SAMD5: variants seen among roughly 807,000 people sequenced by gnomAD.
The protein encoded by SAMD5 is sterile alpha motif domain containing 5, also known as sterile alpha motif domain-containing protein 5.
SAMD5 carries 13 observed loss-of-function variants against 11.3 expected under a neutral mutation model. The observed-to-expected ratio is 1.15, with a 90% confidence interval of 0.75 to 1.83. SAMD5 has a LOEUF of 1.83. SAMD5 is among the 40% of genes most tolerant of loss of function. The probability of loss-of-function intolerance (pLI) is 0.00; values close to 1 mark genes in which losing one functional copy is unlikely to be tolerated. For missense variants in SAMD5, 255 were observed against 239.1 expected (o/e 1.07, Z -0.44); for synonymous variants, 129 against 111.3 (o/e 1.16, Z -1.00).
chr6:147,785,747 G>C, the SAMD5 span, among the ~76,000 whole-genome samples: 1 of 152,154 alleles, frequency 6.6e-6, no homozygotes, highest in Admixed American at 6.5e-5. Context: ...AGGTTTAAAA[G>C]AAATACTTCT....
At chr6:147,919,477 A>C in the SAMD5 span, among the ~76,000 whole-genome samples, 1 of 152,214 alleles carries the variant, frequency 6.6e-6, no homozygotes, top group African/African-American at 2.4e-5. Context: ...GGCCCCACTG[A>C]TTTATGATGA....
At chr6:147,692,950 G>C (rs1791124183) in intron 1 of SAMD5, among the ~76,000 whole-genome samples, 1 of 152,236 alleles carries the variant, frequency 6.6e-6, no homozygotes, top group Non-Finnish European at 1.5e-5. Context: ...ATTGGGGAGG[G>C]AGTGGGGAAA....
the SAMD5 span, among the ~76,000 whole-genome samples, chr6:147,787,245 G>A: frequency 7.9e-5 from 12 of 152,036 alleles, no homozygotes; most frequent in Non-Finnish European, 1.3e-4. Context: ...ATTAAGCCTC[G>A]TTAACTTGAA....
At chr6:147,701,137 A>G (rs994999039) in intron 1 of SAMD5, among the ~76,000 whole-genome samples, 1 of 152,192 alleles carries the variant, frequency 6.6e-6, no homozygotes, top group African/African-American at 2.4e-5. Context: ...ATTATAATAA[A>G]CAGCCGTTAT....
At chr6:147,724,790 T>C (rs1448218621) in intron 1 of SAMD5, among the ~76,000 whole-genome samples, 1 of 152,118 alleles carries the variant, frequency 6.6e-6, no homozygotes, top group African/African-American at 2.4e-5. Context: ...AAGCAAGATA[T>C]TGAATTAGAA....
At chr6:147,550,065 C>T (rs1583078179) in intron 1 of SAMD5, among the ~76,000 whole-genome samples, 1 of 151,484 alleles carries the variant, frequency 6.6e-6, no homozygotes, top group East Asian at 1.9e-4. Context: ...GGCAACATAG[C>T]AAGACCTTTG....
the SAMD5 span, among the ~76,000 whole-genome samples, chr6:147,750,109 T>C: frequency 1.3e-5 from 2 of 152,246 alleles, no homozygotes; most frequent in Admixed American, 1.3e-4. Flanking sequence ...CATAGAATTA[T>C]GTGTTTTATA....
chr6:147,799,961 T>C, the SAMD5 span, among the ~76,000 whole-genome samples: 3 of 151,946 alleles, frequency 2.0e-5, no homozygotes, highest in African/African-American at 7.2e-5. Flanking sequence ...ATTCTAGTTA[T>C]ACATTCTTCT....
chr6:147,871,603 G>A, the SAMD5 span, among the ~76,000 whole-genome samples: 1 of 152,178 alleles, frequency 6.6e-6, no homozygotes, highest in Non-Finnish European at 1.5e-5. Flanking sequence ...TTATCAGAAT[G>A]GCAAAATTAA....
the SAMD5 span, among the ~76,000 whole-genome samples, chr6:147,772,882 T>C: frequency 6.6e-6 from 1 of 152,122 alleles, no homozygotes; most frequent in African/African-American, 2.4e-5. Context: ...CCCATAACAG[T>C]GTCGAAGTGA....
the SAMD5 span, among the ~76,000 whole-genome samples, chr6:147,889,682 A>G: frequency 6.6e-6 from 1 of 152,214 alleles, no homozygotes; most frequent in Non-Finnish European, 1.5e-5. Flanking sequence ...ATGCTCCCCA[A>G]CAATGACGGG....
intron 1 of SAMD5, among the ~76,000 whole-genome samples, chr6:147,585,129 G>A (rs548340403): frequency 5.3e-5 from 8 of 152,090 alleles, no homozygotes; most frequent in Non-Finnish European, 7.4e-5. Context: ...GAGGTGTGTC[G>A]GGGCAGGCAA....
At chr6:147,693,930 C>T (rs932264435) in intron 1 of SAMD5, among the ~76,000 whole-genome samples, 1 of 152,184 alleles carries the variant, frequency 6.6e-6, no homozygotes, top group African/African-American at 2.4e-5. Flanking sequence ...GATCACACCA[C>T]TGCACTCCAA....
the SAMD5 span, among the ~76,000 whole-genome samples, chr6:147,760,338 G>T: frequency 6.6e-6 from 1 of 152,110 alleles, no homozygotes; most frequent in Non-Finnish European, 1.5e-5. Flanking sequence ...AATTAAAATT[G>T]CCATGACCAT....
At chr6:147,811,462 GGACCCA>G in the SAMD5 span, among the ~76,000 whole-genome samples, 2 of 152,192 alleles carry the variant, frequency 1.3e-5, no homozygotes, top group Non-Finnish European at 2.9e-5. Flanking sequence ...TAGGCAATGT[GGACCCA>G]TGGATAGCTT....
chr6:147,921,147 A>G, the SAMD5 span, among the ~76,000 whole-genome samples: 78 of 152,284 alleles, frequency 5.1e-4, no homozygotes, highest in Non-Finnish European at 1.0e-3. Flanking sequence ...CGGAACTGAG[A>G]GTTGAGAAAA....
chr6:147,626,774 C>T (rs1380283974), intron 1 of SAMD5, among the ~76,000 whole-genome samples: 18 of 94,650 alleles, frequency 1.9e-4, no homozygotes, highest in Non-Finnish European at 3.1e-4. Context: ...GGCAACATAA[C>T]GAGACACTGT....
the SAMD5 span, among the ~76,000 whole-genome samples, chr6:147,867,424 T>C: frequency 1.8e-4 from 27 of 152,056 alleles, no homozygotes; most frequent in Admixed American, 7.2e-4. Context: ...GGTGGAAAGA[T>C]TTTTTTTCTT....
intron 1 of SAMD5, among the ~76,000 whole-genome samples, chr6:147,643,953 G>C (rs1345173648): frequency 7.0e-6 from 1 of 142,002 alleles, no homozygotes; most frequent in Non-Finnish European, 1.6e-5. Flanking sequence ...GGGTTAACTA[G>C]TGTTGTAGGT....
Sources: gnomAD v4.1 joint callset for allele counts (sites outside exome capture counted in the v4.1 genomes callset) on GRCh38, gnomAD v4.1.1 for gene constraint, MANE v1.5 for transcripts, NCBI Gene and HGNC (gene_info 2026-07-23, HGNC 2026-07-21) for gene names.